The following EXOC6 variants were observed in gnomAD, a reference collection of about 807,000 sequenced individuals.
EXOC6 encodes exocyst complex component 6, also known as SEC15-like 1.
EXOC6 carries 60 observed loss-of-function variants against 112.5 expected under a neutral mutation model. The observed-to-expected ratio is 0.53, with a 90% CI of 0.43 to 0.66. The LOEUF (loss-of-function observed/expected upper bound fraction) is 0.66, where lower values mean the gene tolerates loss of function less well. Ranked by LOEUF, EXOC6 falls within the 30% of genes least tolerant of loss-of-function variation. The pLI, the probability that EXOC6 is intolerant of heterozygous loss-of-function variation, is 0.00. For synonymous variants in EXOC6, 295 were observed against 308.0 expected (o/e 0.96, Z 0.44); for missense variants, 855 against 957.1 (o/e 0.89, Z 1.41).
intron 18 of EXOC6, among the ~76,000 whole-genome samples, chr10:92,982,873 T>A (rs1842876181): frequency 6.6e-6 from 1 of 152,260 alleles, no homozygotes; most frequent in African/African-American, 2.4e-5. Context: ...ACTAAATGTT[T>A]CTGATGTTAC....
In EXOC6 at chr10:93,056,937, T is replaced by C; in HGVS notation, c.2183T>C (p.Phe728Ser). 1 of 1,596,326 alleles carries C rather than the reference T, an allele frequency of 6.3e-7. No individual in the cohort carries two copies. The highest frequency in any genetic ancestry group is 1.2e-5 in the South Asian group (1 of 86,314). Residue 728 changes from phenylalanine to serine, a missense_variant, in exon 21 of 22, where the codon TTT becomes TCT. This residue lies in a region of EXOC6 where 450 missense variants were observed against 563.5 expected (regional missense o/e 0.80). Transcript: ENST00000260762. The stretch of plus-strand genomic sequence containing the variant: ...CATCTTTCGCAGCTCCTTGACCTGT[T>C]TATGGTTTGGGATTGGTCTACTTAC... ...FIDLRQLLDL[F>S]MVWDWSTYLA...
At chr10:92,897,018 T>C (rs755479372) in intron 4 of EXOC6, among the ~76,000 whole-genome samples, 1 of 152,210 alleles carries the variant, frequency 6.6e-6, no homozygotes. Context: ...TATTTCCTTA[T>C]AGTCATGTTT....
rs1046441500 is a variant in EXOC6 at position 93,013,797 on chromosome 10, G to A, written c.2096-397G>A. ...TTAATAGCACCTATTCTTTACCAAA[G>A]CAAATGTTTCAAAATATGTTGACAG... is the stretch of plus-strand genomic sequence containing the variant. On this transcript the variant is annotated intron_variant, in intron 19 of 21. Coordinates refer to ENST00000260762, the MANE Select transcript of EXOC6 (RefSeq NM_019053.6). Among the ~76,000 whole-genome samples, 4 of 152,142 alleles carry A rather than the reference G, an allele frequency of 2.6e-5. No individual in the cohort carries two copies. In the East Asian group the frequency reaches 7.7e-4, roughly 29 times the overall value.
chr10:92,927,559 T>C (rs909485928), intron 8 of EXOC6, among the ~76,000 whole-genome samples: 2 of 152,212 alleles, frequency 1.3e-5, no homozygotes, highest in Non-Finnish European at 2.9e-5. Context: ...CTCATTCAGA[T>C]TGGCCACATT....
At chr10:92,932,886 G>A (rs1299691083) in intron 9 of EXOC6, among the ~76,000 whole-genome samples, 1 of 152,102 alleles carries the variant, frequency 6.6e-6, no homozygotes, top group African/African-American at 2.4e-5. Context: ...ATACACAACA[G>A]TAACATAAAC....
intron 19 of EXOC6, chr10:92,999,218 T>C: frequency 2.4e-6 from 1 of 413,106 alleles, no homozygotes; most frequent in Admixed American, 3.1e-5. Context: ...TTTTTTTTTT[T>C]ACAAGTTTTT....
At chr10:92,969,655 T>C (rs942235061) in intron 17 of EXOC6, among the ~76,000 whole-genome samples, 3 of 151,770 alleles carry the variant, frequency 2.0e-5, no homozygotes, top group Admixed American at 6.6e-5. Context: ...TGTGCATGTT[T>C]ATTCATTTTG....
chr10:92,880,971 T>C (rs1848934430), intron 1 of EXOC6, among the ~76,000 whole-genome samples: 1 of 152,220 alleles, frequency 6.6e-6, no homozygotes, highest in South Asian at 2.1e-4. Context: ...TGTTTTTCTT[T>C]AGGAATTCAG....
chr10:92,994,021 C>CT (rs1843374160), intron 18 of EXOC6, among the ~76,000 whole-genome samples: 1 of 152,220 alleles, frequency 6.6e-6, no homozygotes, highest in Admixed American at 6.5e-5. Flanking sequence ...ATGGATGAAT[C>CT]TGTCACCGGC....
At chr10:92,862,333 C>A (rs1402539517) in intron 1 of EXOC6, among the ~76,000 whole-genome samples, 4 of 57,824 alleles carry the variant, frequency 6.9e-5, no homozygotes, top group African/African-American at 3.0e-4. Flanking sequence ...GTTTCATGCC[C>A]CCCCCCCATA....
intron 6 of EXOC6, 73 bp from the exon 7 acceptor site, chr10:92,915,685 G>T: frequency 1.8e-6 from 2 of 1,104,848 alleles, no homozygotes; most frequent in Non-Finnish European, 1.2e-6. Flanking sequence ...AAAAAACTAT[G>T]AACAAATTTT....
chr10:92,997,959 A>C (rs1218816555), intron 19 of EXOC6, among the ~76,000 whole-genome samples: 1 of 152,184 alleles, frequency 6.6e-6, no homozygotes, highest in Non-Finnish European at 1.5e-5. Flanking sequence ...TGTCATTCTT[A>C]CTTGCCCTGT....
chr10:92,947,812 C>T (rs1853127133), intron 13 of EXOC6, among the ~76,000 whole-genome samples: 1 of 151,986 alleles, frequency 6.6e-6, no homozygotes, highest in Admixed American at 6.6e-5. Flanking sequence ...GCTGAGGCAG[C>T]AGAATCACTT....
intron 20 of EXOC6, among the ~76,000 whole-genome samples, chr10:93,018,443 C>T (rs1844640590): frequency 6.6e-6 from 1 of 152,072 alleles, no homozygotes; most frequent in African/African-American, 2.4e-5. Flanking sequence ...TCTTTCTACC[C>T]AAACACATCA....
intron 20 of EXOC6, among the ~76,000 whole-genome samples, chr10:93,048,153 T>A (rs528675614): frequency 6.6e-6 from 1 of 152,106 alleles, no homozygotes; most frequent in Non-Finnish European, 1.5e-5. Context: ...TTAGGAGATA[T>A]ACCTAATGTA....
At chr10:92,968,132 G>C (rs531789752) in intron 17 of EXOC6, among the ~76,000 whole-genome samples, 2 of 150,720 alleles carry the variant, frequency 1.3e-5, no homozygotes, top group Non-Finnish European at 2.9e-5. Context: ...TTACTGCCAT[G>C]AATTATACAT....
upstream of EXOC6, among the ~76,000 whole-genome samples, chr10:92,831,014 G>T (rs1846465640): frequency 6.6e-6 from 1 of 152,202 alleles, no homozygotes. Flanking sequence ...TGGGAGGAGA[G>T]CCTCTCCTGT....
intron 20 of EXOC6, among the ~76,000 whole-genome samples, chr10:93,050,802 G>A (rs1846253921): frequency 7.5e-6 from 1 of 133,152 alleles, no homozygotes; most frequent in Non-Finnish European, 1.6e-5. Context: ...AATCCGGGAG[G>A]AGAAGGTTGC....
intron 20 of EXOC6, among the ~76,000 whole-genome samples, chr10:93,028,026 G>A (rs1461869231): frequency 6.6e-6 from 1 of 152,322 alleles, no homozygotes; most frequent in East Asian, 1.9e-4. Context: ...GTGATTGGTC[G>A]TGGCTCACCC....
Sources: allele counts gnomAD v4.1 joint callset (sites outside exome capture counted in the v4.1 genomes callset), GRCh38; gene constraint gnomAD v4.1.1; regional missense constraint gnomAD v4.1.1; transcripts MANE v1.5; gene names NCBI Gene and HGNC (gene_info 2026-07-23, HGNC 2026-07-21).